DLG2: variants seen among roughly 807,000 people sequenced by gnomAD.
DLG2 encodes the protein discs large MAGUK scaffold protein 2, also known as disks large homolog 2.
DLG2 carries 45 observed loss-of-function variants against 132.5 expected under a neutral mutation model. The observed-to-expected ratio is 0.34, with a 90% CI of 0.27 to 0.44. DLG2 has a LOEUF of 0.44. Among genes scored for constraint, DLG2 ranks in the 20% least tolerant of loss-of-function variants. The pLI is 1.00. For synonymous variants in DLG2, 424 were observed against 419.6 expected, an observed-to-expected ratio of 1.01 and a Z score of -0.13; for missense variants, 1,045 against 1,196.9, an observed-to-expected ratio of 0.87 and a Z score of 1.87.
chr11:83,675,117 G>A (rs749058986), intron 18 of DLG2, among the ~76,000 whole-genome samples: 3 of 152,106 alleles, frequency 2.0e-5, no homozygotes, highest in East Asian at 1.9e-4. Context: ...AAATTTTAGC[G>A]GAAAACTATT....
At chr11:84,495,975 T>C (rs1279131860) in intron 7 of DLG2, among the ~76,000 whole-genome samples, 1 of 152,128 alleles carries the variant, frequency 6.6e-6, no homozygotes, top group Non-Finnish European at 1.5e-5. Flanking sequence ...AGGGCTGAGT[T>C]TCCACGTGGG....
chr11:84,840,056 TACA>T (rs778570105), intron 6 of DLG2, among the ~76,000 whole-genome samples: 9 of 152,146 alleles, frequency 5.9e-5, no homozygotes, highest in Non-Finnish European at 1.0e-4. Context: ...ACAGGCAACC[TACA>T]GAATGGGAGA....
At chr11:85,236,158 CAAAG>C (rs2152662047) in intron 4 of DLG2, among the ~76,000 whole-genome samples, 1 of 152,092 alleles carries the variant, frequency 6.6e-6, no homozygotes, top group Non-Finnish European at 1.5e-5. Context: ...ACTTTACAAA[CAAAG>C]AAACTGTAGC....
At chr11:85,462,637 AC>A (rs2092653807) in intron 3 of DLG2, among the ~76,000 whole-genome samples, 1 of 143,050 alleles carries the variant, frequency 7.0e-6, no homozygotes, top group Non-Finnish European at 1.5e-5. Context: ...AACATCACAC[AC>A]CGGGGCCTGT....
intron 8 of DLG2, among the ~76,000 whole-genome samples, chr11:84,213,471 C>T (rs1344945318): frequency 1.3e-5 from 2 of 152,068 alleles, no homozygotes; most frequent in Admixed American, 1.3e-4. Flanking sequence ...ATTGGCATTA[C>T]CCAAGAGTTT....
rs577271467 is a variant in DLG2 at position 85,121,491 on chromosome 11, T to C, written c.283-9756A>G. ...TAAATGAACATGAGTTGGCATTCTT[T>C]TATCAAACTGAAAAGCAGATCTGAC... On this transcript the variant is annotated intron_variant, in intron 5 of 27. Transcript: ENST00000376104. 4.0e-4 allele frequency among the ~76,000 whole-genome samples: 61 copies of C among 152,092 alleles called. 1 individual carries two copies. The highest frequency in any genetic ancestry group is 1.2e-3 in the African/African-American group (50 of 41,542).
chr11:83,800,505 G>C (rs2044060852), intron 17 of DLG2, among the ~76,000 whole-genome samples: 1 of 152,158 alleles, frequency 6.6e-6, no homozygotes, highest in South Asian at 2.1e-4. Context: ...TTTGTGGAGA[G>C]TGGTAATATT....
intron 14 of DLG2, among the ~76,000 whole-genome samples, chr11:83,959,742 G>C (rs1052731296): frequency 6.6e-5 from 10 of 151,872 alleles, no homozygotes; most frequent in Non-Finnish European, 1.3e-4. Context: ...GCAGGGATGG[G>C]GCCTTTGAAA....
intron 15 of DLG2, among the ~76,000 whole-genome samples, chr11:83,880,965 A>G (rs1434496098): frequency 6.6e-6 from 1 of 152,146 alleles, no homozygotes; most frequent in African/African-American, 2.4e-5. Flanking sequence ...GTTCTTAGTT[A>G]TCTTTGCTTG....
intron 6 of DLG2, among the ~76,000 whole-genome samples, chr11:84,697,824 A>T (rs1483358554): frequency 6.6e-6 from 1 of 151,484 alleles, no homozygotes; most frequent in Non-Finnish European, 1.5e-5. Flanking sequence ...GATAATAAGT[A>T]CATATTAATC....
intron 6 of DLG2, among the ~76,000 whole-genome samples, chr11:84,703,026 T>C (rs989629516): frequency 6.6e-6 from 1 of 151,682 alleles, no homozygotes; most frequent in South Asian, 2.1e-4. Context: ...TTTGTCCTTA[T>C]AGTATTATCA....
intron 7 of DLG2, among the ~76,000 whole-genome samples, chr11:84,513,291 T>G (rs1003811293): frequency 6.6e-6 from 1 of 151,940 alleles, no homozygotes; most frequent in Non-Finnish European, 1.5e-5. Context: ...GAAATTCCTA[T>G]AAAAATACCA....
chr11:84,505,598 C>T (rs1329710309), intron 7 of DLG2, among the ~76,000 whole-genome samples: 1 of 152,124 alleles, frequency 6.6e-6, no homozygotes, highest in African/African-American at 2.4e-5. Context: ...AGGATGCCAA[C>T]ATCTGCCTTA....
At chr11:83,539,148 G>T (rs2095984519) in intron 20 of DLG2, among the ~76,000 whole-genome samples, 1 of 152,148 alleles carries the variant, frequency 6.6e-6, no homozygotes, top group African/African-American at 2.4e-5. Flanking sequence ...ACAGTGTCTA[G>T]CGTGCAACAG....
At chr11:84,112,093 AG>A (rs1265866310) in intron 9 of DLG2, among the ~76,000 whole-genome samples, 1 of 151,866 alleles carries the variant, frequency 6.6e-6, no homozygotes, top group Non-Finnish European at 1.5e-5. Context: ...GCTCACTGCA[AG>A]CTCCGCCTCC....
intron 6 of DLG2, among the ~76,000 whole-genome samples, chr11:84,778,536 G>A (rs1216845449): frequency 6.6e-6 from 1 of 152,128 alleles, no homozygotes; most frequent in Non-Finnish European, 1.5e-5. Context: ...AGATTGCTTT[G>A]AGCAGTATAG....
intron 3 of DLG2, among the ~76,000 whole-genome samples, chr11:85,464,699 C>A (rs1487835978): frequency 6.6e-6 from 1 of 151,826 alleles, no homozygotes; most frequent in Non-Finnish European, 1.5e-5. Flanking sequence ...GAATTCAGGC[C>A]CTTATCATAA....
At chr11:83,542,911 T>G (rs1338785075) in intron 19 of DLG2, among the ~76,000 whole-genome samples, 1 of 152,186 alleles carries the variant, frequency 6.6e-6, no homozygotes, top group Admixed American at 6.5e-5. Context: ...GTATAACCAC[T>G]ATGTATGCAA....
At chr11:84,330,690 AC>A (rs2098454470) in intron 7 of DLG2, among the ~76,000 whole-genome samples, 1 of 152,210 alleles carries the variant, frequency 6.6e-6, no homozygotes, top group African/African-American at 2.4e-5. Context: ...AAGGTCCATT[AC>A]CATGAAACAA....
Sources: allele counts gnomAD v4.1 joint callset (sites outside exome capture counted in the v4.1 genomes callset), GRCh38; gene constraint gnomAD v4.1.1; transcripts MANE v1.5; gene names NCBI Gene and HGNC (gene_info 2026-07-23, HGNC 2026-07-21).